Variants in GRID1 observed in about 807,000 individuals in gnomAD.
The protein encoded by GRID1 is glutamate receptor ionotropic, delta-1.
Under a neutral mutation model 98.0 loss-of-function variants are expected in GRID1, and 28 were observed. That is an observed-to-expected ratio of 0.29 (90% CI 0.21 to 0.39). The LOEUF (loss-of-function observed/expected upper bound fraction) is 0.39. Ranked by LOEUF, GRID1 falls within the 10% of genes least tolerant of loss-of-function variation. The probability of loss-of-function intolerance (pLI) is 1.00; values close to 1 mark genes in which losing one functional copy is unlikely to be tolerated. For synonymous variants in GRID1, 553 were observed against 538.5 expected (o/e 1.03, Z -0.37); for missense variants, 1,111 against 1,340.5 (o/e 0.83, Z 2.67).
chr10:86,187,840 T>C (rs1845747636), intron 3 of GRID1, among the ~76,000 whole-genome samples: 1 of 152,252 alleles, frequency 6.6e-6, no homozygotes, highest in Non-Finnish European at 1.5e-5. Context: ...CTAAGGAGCT[T>C]TAACTTCACA....
chr10:85,855,317 G>A (rs757848151), intron 7 of GRID1, among the ~76,000 whole-genome samples: 6 of 152,224 alleles, frequency 3.9e-5, no homozygotes, highest in South Asian at 2.1e-4. Context: ...TGAGGGAGCC[G>A]TGGTGAGCCC....
At chr10:85,824,106 G>T (rs1392710281) in intron 8 of GRID1, among the ~76,000 whole-genome samples, 1 of 152,148 alleles carries the variant, frequency 6.6e-6, no homozygotes, top group African/African-American at 2.4e-5. Context: ...TGTATTAAGG[G>T]TTTTAAAATA....
intron 10 of GRID1, among the ~76,000 whole-genome samples, chr10:85,727,242 A>G (rs1291782934): frequency 2.6e-5 from 4 of 152,134 alleles, no homozygotes; most frequent in Non-Finnish European, 4.4e-5. Context: ...GAAATAATGG[A>G]GATGGAGGAT....
At chr10:85,972,961 T>C (rs1842426547) in intron 4 of GRID1, among the ~76,000 whole-genome samples, 1 of 152,218 alleles carries the variant, frequency 6.6e-6, no homozygotes, top group South Asian at 2.1e-4. Context: ...ATGGATTTCA[T>C]TTTATTTTGA....
chr10:86,169,173 C>T (rs1845444049), intron 3 of GRID1, among the ~76,000 whole-genome samples: 1 of 152,158 alleles, frequency 6.6e-6, no homozygotes, highest in African/African-American at 2.4e-5. Context: ...TCACAGCAGA[C>T]CAAAAGGGCC....
At chr10:86,112,398 A>G (rs1225460741) in intron 4 of GRID1, among the ~76,000 whole-genome samples, 1 of 152,182 alleles carries the variant, frequency 6.6e-6, no homozygotes, top group African/African-American at 2.4e-5. Context: ...AGAATCTCCA[A>G]TTACCTTCCC....
intron 2 of GRID1, among the ~76,000 whole-genome samples, chr10:86,326,107 T>C (rs1848046895): frequency 6.6e-6 from 1 of 152,232 alleles, no homozygotes; most frequent in Admixed American, 6.5e-5. Flanking sequence ...TTAGAAAATG[T>C]AATCTAAAAG....
At chr10:86,271,763 AAAGT>A (rs749621666) in intron 2 of GRID1, among the ~76,000 whole-genome samples, 1 of 152,210 alleles carries the variant, frequency 6.6e-6, no homozygotes, top group Non-Finnish European at 1.5e-5. Flanking sequence ...AAGAAGAAAG[AAAGT>A]AATACTGGTG....
intron 8 of GRID1, among the ~76,000 whole-genome samples, chr10:85,788,721 T>C (rs1366906193): frequency 6.6e-6 from 1 of 152,264 alleles, no homozygotes; most frequent in East Asian, 1.9e-4. Context: ...CTGTGGCTAG[T>C]TGGAGGTGCA....
chr10:85,992,293 C>T lies in GRID1; in HGVS notation c.727-76054G>A, dbSNP rs1415390776. Among the ~76,000 whole-genome samples the T allele has an allele frequency of 2.0e-5, 3 of 152,138 alleles. No individual in the cohort carries two copies. The East Asian group carries it at 5.8e-4, about 29-fold the overall frequency. ...AGCACCCTGGCTTTGTCATTTTCTA[C>T]AGCAACACTCAGCACTCAGGCACAG... On this transcript the variant is annotated intron_variant, in intron 4 of 15. Transcript: ENST00000327946.
intron 6 of GRID1, among the ~76,000 whole-genome samples, chr10:85,865,928 T>TATACAC (rs1418964040): frequency 1.2e-4 from 14 of 114,184 alleles, no homozygotes; most frequent in African/African-American, 4.8e-4. Flanking sequence ...TATATATATA[T>TATACAC]ATATATATAT....
intron 8 of GRID1, among the ~76,000 whole-genome samples, chr10:85,821,534 A>AGC (rs1564600848): frequency 0.012 from 1,697 of 143,370 alleles, 164 homozygotes; most frequent in African/African-American, 0.042. Flanking sequence ...AAAAAAAAAA[A>AGC]AAAAAAAAAA....
At chr10:85,797,677 C>T (rs1014774565) in intron 8 of GRID1, among the ~76,000 whole-genome samples, 2 of 151,364 alleles carry the variant, frequency 1.3e-5, no homozygotes, top group African/African-American at 4.9e-5. Context: ...TCTCTAACTC[C>T]CAACCTCAGG....
intron 4 of GRID1, among the ~76,000 whole-genome samples, chr10:85,938,625 G>C (rs960302514): frequency 1.3e-5 from 2 of 152,112 alleles, no homozygotes; most frequent in Admixed American, 1.3e-4. Flanking sequence ...TGACCTCAGG[G>C]ATAGTGAGTA....
intron 4 of GRID1, among the ~76,000 whole-genome samples, chr10:86,046,883 A>G (rs948592562): frequency 7.0e-6 from 1 of 142,990 alleles, no homozygotes; most frequent in African/African-American, 2.6e-5. Flanking sequence ...AAAAAAAAAG[A>G]CAGAGACTCA....
Position 85,743,107 on chromosome 10 carries a change from C to A in GRID1, c.1234-13493G>T, listed in dbSNP as rs937649496. Among the ~76,000 whole-genome samples, 11 of 109,724 alleles carry A rather than the reference C, an allele frequency of 1.0e-4. No individual in the cohort carries two copies. In the East Asian group the frequency reaches 2.0e-3, roughly 20 times the overall value. The allele number at this position is 109,724 out of a possible 152,430, so 72.0% of individuals were successfully genotyped here. A position where few individuals can be genotyped will look rare whatever the true frequency, so the allele number is the denominator to read the frequency against. The stretch of plus-strand genomic sequence containing the variant: ...CCCTTGGAGGATAGAATTATGCAGC[C>A]CCCCCCCCCACCACCCATTGAGAAC... On this transcript the variant is annotated intron_variant, in intron 8 of 15. Transcript: ENST00000327946.
In GRID1 at chr10:86,268,422, C is replaced by T. The variant is rs1564724325; in HGVS notation, c.236-61774G>A. 2.6e-5 allele frequency among the ~76,000 whole-genome samples: 4 copies of T among 152,338 alleles called. No homozygotes were observed. The South Asian group carries it at 8.3e-4, about 32-fold the overall frequency. On this transcript the variant is annotated intron_variant, in intron 2 of 15. Coordinates refer to ENST00000327946, the MANE Select transcript of GRID1 (RefSeq NM_017551.3). The stretch of plus-strand genomic sequence containing the variant: ...GATGGCAGGGAGCATAGCCCAGGAC[C>T]GTCCGTGATGGACATGCAGCCTGAG...
chr10:85,667,585 G>C (rs530558835), intron 12 of GRID1, among the ~76,000 whole-genome samples: 1 of 152,050 alleles, frequency 6.6e-6, no homozygotes, highest in Non-Finnish European at 1.5e-5. Flanking sequence ...ATTCAATATC[G>C]GATCCAGCAT....
intron 4 of GRID1, among the ~76,000 whole-genome samples, chr10:86,119,800 G>T (rs1052418745): frequency 1.3e-5 from 2 of 151,716 alleles, no homozygotes; most frequent in Admixed American, 1.3e-4. Flanking sequence ...TGTTTTTTTG[G>T]GTTTTTTTGA....
Sources: allele counts gnomAD v4.1 joint callset (sites outside exome capture counted in the v4.1 genomes callset), GRCh38; gene constraint gnomAD v4.1.1; transcripts MANE v1.5; gene names NCBI Gene and HGNC (gene_info 2026-07-23, HGNC 2026-07-21).